Variants in UNC93B1 observed in about 807,000 individuals in gnomAD.
UNC93B1 encodes unc-93B1 regulator of TLR signaling, also known as protein unc-93 homolog B1.
In UNC93B1, 33 loss-of-function variants were observed where a neutral mutation model predicts 56.8. The observed-to-expected ratio is 0.58, with a 90% CI of 0.44 to 0.78. The LOEUF is 0.78. Among genes scored for constraint, UNC93B1 ranks in the 30% least tolerant of loss-of-function variants. UNC93B1 has a pLI of 0.00. For missense variants in UNC93B1, 673 were observed against 819.5 expected, an observed-to-expected ratio of 0.82 and a Z score of 2.18; for synonymous variants, 334 against 358.6, an observed-to-expected ratio of 0.93 and a Z score of 0.77.
rs1857091731 is a variant in UNC93B1, at chr11:68,003,921, C to T, written c.96+27G>A. 7.3e-7 allele frequency: 1 copy of T among 1,361,440 alleles called. No homozygotes were observed. The highest frequency in any genetic ancestry group is 9.5e-7 in the Non-Finnish European group (1 of 1,052,626). The allele number at this position is 1,361,440 out of a possible 1,614,324, so 84.3% of individuals were successfully genotyped here. ...GACCCTGGCCCACAGGGGACGCCCG[C>T]GCCTCGCACTCCGGGTCCCCGCTCA... On this transcript the variant is annotated intron_variant, in intron 1 of 10. Transcript: ENST00000227471. The surrounding 1 kb of genome is among the most constrained non-coding windows in gnomAD (Gnocchi z 4.4).
intron 9 of UNC93B1, among the ~76,000 whole-genome samples, chr11:67,994,055 G>C (rs1472022822): frequency 6.6e-6 from 1 of 152,206 alleles, no homozygotes; most frequent in Non-Finnish European, 1.5e-5. Context: ...CACCACATGC[G>C]TGGCCTCAAA....
At chr11:67,997,616 T>C in intron 7 of UNC93B1, 59 bp downstream of exon 7, 1 of 1,593,972 alleles carries the variant, frequency 6.3e-7, no homozygotes, top group Non-Finnish European at 8.5e-7. Flanking sequence ...TCTCGCAGAC[T>C]CGGTCCCCAG....
rs1404532250 is a variant in UNC93B1 at position 67,991,590 on chromosome 11, G to C, written c.1750C>G (p.Pro584Ala). The change falls in exon 11 of 11, where the codon CCG becomes GCG. Residue 584 changes from proline to alanine, a missense_variant. Physicochemically the swap from Pro to Ala is conservative, Grantham distance 27 (BLOSUM62 -1). This residue lies in a region of UNC93B1 where 80 missense variants were observed against 85.3 expected (regional missense o/e 0.94). Transcript: ENST00000227471. ...TCTCCCCCCTGCGCCTGTTCGTACGGGCAGGGCCGGCGGCCGAGTCCAGCG... is the reference window on the plus strand; with the variant it reads ...TCTCCCCCCTGCGCCTGTTCGTACGCGCAGGGCCGGCGGCCGAGTCCAGCG... ...EPAGLGRRPC[P>A]YEQAQGGDGP... is the part of the protein sequence containing the mutation. The C allele has an allele frequency of 3.3e-5, 50 of 1,496,440 alleles. No individual in the cohort carries two copies. The highest frequency in any genetic ancestry group is 4.4e-5 in the Non-Finnish European group (50 of 1,130,876). 92.7% of individuals were successfully genotyped at this position (1,496,440 alleles called of 1,614,324 possible).
rs961418578 is a variant in UNC93B1 at position 68,003,589 on chromosome 11, G to A, written c.238+68C>T. On this transcript the variant is annotated intron_variant, in intron 2 of 10. Coordinates refer to ENST00000227471, the MANE Select transcript of UNC93B1 (RefSeq NM_030930.4). This position sits in a 1 kb window ranked among gnomAD's most constrained non-coding sequence, Gnocchi z 4.4. ...GAGAGCGGGCGGGAGGCGGCGGCCC[G>A]CGGTTTCTGTTTCCCGGGCCGGGCT... The A allele has an allele frequency of 4.0e-5, 59 of 1,475,720 alleles. No homozygotes were observed. Among genetic ancestry groups the A allele is most frequent in the Non-Finnish European group, 5.2e-5 (58 of 1,116,638 alleles). The allele number at this position is 1,475,720 out of a possible 1,614,324, so 91.4% of individuals were successfully genotyped here.
chr11:67,991,605 C>T lies in UNC93B1; in HGVS notation c.1735G>A (p.Gly579Ser), dbSNP rs1332464949. ...TGTTCGTACGGGCAGGGCCGGCGGC[C>T]GAGTCCAGCGGGCTCGGGGCCAGGC... Reference protein sequence around the residue: ...PRPGPEPAGLGRRPCPYEQAQ... With the variant: ...PRPGPEPAGLSRRPCPYEQAQ... Residue 579 changes from glycine (G) to serine (S), a missense_variant, in exon 11 of 11, where the codon GGC (glycine) becomes AGC (serine). Transcript: ENST00000227471. The T allele has an allele frequency of 5.3e-6, 8 of 1,497,852 alleles. No individual in the cohort carries two copies. Among genetic ancestry groups the T allele is most frequent in the Admixed American group, 2.2e-5 (1 of 45,340 alleles). 92.8% of individuals were successfully genotyped at this position (1,497,852 alleles called of 1,614,324 possible). A position where few individuals can be genotyped will look rare whatever the true frequency, so the allele number is the denominator to read the frequency against.
In UNC93B1 at chr11:67,993,706, G is replaced by A. The variant is rs762916919; in HGVS notation, c.1452C>T (p.Thr484=). The change falls in exon 10 of 11, where the codon ACC becomes ACT. Residue 484 remains threonine (T), a synonymous_variant. Transcript: ENST00000227471. ...YHWWQAVAIF[T]VYLGSSLHMK... ...TGTGCAGGCTCGAGCCCAGGTACAC[G>A]GTGAAGATGGCCACAGCCTGCCACC... 5.2e-5 allele frequency: 66 copies of A among 1,262,882 alleles called. No homozygotes were observed. Among genetic ancestry groups the A allele is most frequent in the Middle Eastern group, 2.6e-4 (1 of 3,840 alleles). The allele number at this position is 1,262,882 out of a possible 1,614,324, so 78.2% of individuals were successfully genotyped here.
At chr11:67,996,508 A>G in intron 8 of UNC93B1, 94 bp downstream of exon 8, 3 of 1,432,520 alleles carry the variant, frequency 2.1e-6, no homozygotes, top group East Asian at 2.5e-5. Flanking sequence ...ACACACTTAC[A>G]TATGTAATTA....
In UNC93B1 at chr11:68,003,234, C is replaced by A. The variant is rs1590764320; in HGVS notation, c.239-59G>T. The A allele has an allele frequency of 4.7e-6, 7 of 1,496,944 alleles. No homozygotes were observed. The Admixed American group carries it at 8.5e-5, about 18-fold the overall frequency. 92.7% of individuals were successfully genotyped at this position (1,496,944 alleles called of 1,614,324 possible). On this transcript the variant is annotated intron_variant, in intron 2 of 10. Transcript: ENST00000227471. The surrounding 1 kb of genome is among the most constrained non-coding windows in gnomAD (Gnocchi z 4.4). ...CAGCCTAGCTTTGGGCGCCACCGAG[C>A]AGAAGACGGCATGCAGGCCTCGCAG...
chr11:68,003,498 A>AC lies in UNC93B1; in HGVS notation c.238+158dup. ...GGACCCGGGGACGCTGCGCTACTTGACCCCCCAACCCCACCCCCGCCGCGG... is the reference window on the plus strand; with the variant it reads ...GGACCCGGGGACGCTGCGCTACTTGACCCCCCCAACCCCACCCCCGCCGCGG... On this transcript the variant is annotated intron_variant, in intron 2 of 10. Transcript: ENST00000227471. This position sits in a 1 kb window ranked among gnomAD's most constrained non-coding sequence, Gnocchi z 4.4. 3.5e-6 allele frequency: 4 copies of AC among 1,130,212 alleles called. No individual in the cohort carries two copies. Among genetic ancestry groups the AC allele is most frequent in the South Asian group, 1.8e-5 (1 of 55,542 alleles). 70.0% of individuals were successfully genotyped at this position (1,130,212 alleles called of 1,614,324 possible). A position where few individuals can be genotyped will look rare whatever the true frequency, so the allele number is the denominator to read the frequency against.
Position 68,003,977 on chromosome 11 carries a change from G to T in UNC93B1, c.67C>A (p.Leu23Ile). Residue 23 changes from leucine (L) to isoleucine (I), a missense_variant, in exon 1 of 11, where the codon CTC becomes ATC. Physicochemically the swap from Leu to Ile is conservative, Grantham distance 5. Around this residue, in one of 3 missense-constraint regions of UNC93B1, gnomAD observed 438 missense variants for 465.9 expected, o/e 0.94. Coordinates refer to ENST00000227471, the MANE Select transcript of UNC93B1 (RefSeq NM_030930.4). This position sits in a 1 kb window ranked among gnomAD's most constrained non-coding sequence, Gnocchi z 4.4. Reference sequence around the variant, plus strand: ...GCCTCGGGCCCGTCCGGGACCCCGAGCAGGTCCTCGTCGCCCTGCGGCCCC... The same window carrying T: ...GCCTCGGGCCCGTCCGGGACCCCGATCAGGTCCTCGTCGCCCTGCGGCCCC... ...AAGPQGDEDL[L>I]GVPDGPEAPL... The T allele has an allele frequency of 7.1e-7, 1 of 1,399,980 alleles. No homozygotes were observed. Among genetic ancestry groups the T allele is most frequent in the Non-Finnish European group, 9.3e-7 (1 of 1,073,772 alleles). The allele number at this position is 1,399,980 out of a possible 1,614,324, so 86.7% of individuals were successfully genotyped here.
rs1856929937 is a variant in UNC93B1 at position 67,995,646 on chromosome 11, C to A, written c.1328G>T (p.Gly443Val). The part of the protein sequence containing the change: ...WILYVAAALW[G>V]VGSALNKTGL... ...AGTCTTGTTCAGGGCACTGCCCACA[C>A]CCCAAAGGGCAGCTGCCACATAGAG... The change falls in exon 9 of 11, where the codon GGT becomes GTT. Residue 443 changes from glycine (G) to valine (V), a missense_variant. Coordinates refer to ENST00000227471, the MANE Select transcript of UNC93B1 (RefSeq NM_030930.4). 1 of 1,539,846 alleles carries A rather than the reference C, an allele frequency of 6.5e-7. No homozygotes were observed. The highest frequency in any genetic ancestry group is 2.5e-5 in the East Asian group (1 of 40,346).
intron 9 of UNC93B1, among the ~76,000 whole-genome samples, 192 bp from the exon 10 acceptor site, chr11:67,993,986 G>T (rs1350052275): frequency 6.6e-6 from 1 of 152,224 alleles, no homozygotes; most frequent in African/African-American, 2.4e-5. Flanking sequence ...CTGCTCACAC[G>T]CTAAGCAGAA....
At chr11:67,995,497 A>T (rs1165085229) in intron 9 of UNC93B1, 114 bp downstream of exon 9, 1 of 903,990 alleles carries the variant, frequency 1.1e-6, no homozygotes, top group East Asian at 2.8e-5. Flanking sequence ...ACCCTATGTG[A>T]CCATGGGACC....
intron 10 of UNC93B1, among the ~76,000 whole-genome samples, chr11:67,992,345 G>C (rs1301077901): frequency 6.6e-6 from 1 of 152,018 alleles, no homozygotes; most frequent in Admixed American, 6.5e-5. Context: ...AGACACGGTC[G>C]CTCCGTTTCC....
rs1355098754 is a variant in UNC93B1 at position 67,996,644 on chromosome 11, G to A, written c.1047C>T (p.Tyr349=). 3 of 1,551,442 alleles carry A rather than the reference G, an allele frequency of 1.9e-6. No individual in the cohort carries two copies. In the African/African-American group the frequency reaches 4.1e-5, roughly 21 times the overall value. ...AGGCAAAGAGCACCTCGAAGCCGCT[G>A]TAGATAAAGAAAGGCACGAGGTGGC... ...RLRHLVPFFI[Y]SGFEVLFACT... Residue 349 remains tyrosine (Y), a synonymous_variant, in exon 8 of 11, where the codon TAC becomes TAT. Transcript: ENST00000227471.
At chr11:67,997,905 G>A in intron 6 of UNC93B1, 106 bp from the exon 7 acceptor site, 1 of 1,494,090 alleles carries the variant, frequency 6.7e-7, no homozygotes, top group Admixed American at 2.0e-5. Context: ...GTGGAGGGCG[G>A]GAGAGTGAGA....
In UNC93B1 at chr11:67,997,191, C is replaced by T. The variant is rs572544777; in HGVS notation, c.907-407G>A. Among the ~76,000 whole-genome samples, 4 of 73,420 alleles carry T rather than the reference C, an allele frequency of 5.4e-5. No homozygotes were observed. In the South Asian group the frequency reaches 2.2e-3, roughly 41 times the overall value. 48.2% of individuals were successfully genotyped at this position (73,420 alleles called of 152,430 possible). A position where few individuals can be genotyped will look rare whatever the true frequency, so the allele number is the denominator to read the frequency against. Reference sequence around the variant, plus strand: ...GACACACCCACAGACTTCGGCCCCGCGTCCCAGCACTAGGCCCCGCCTGAC... The same window carrying T: ...GACACACCCACAGACTTCGGCCCCGTGTCCCAGCACTAGGCCCCGCCTGAC... On this transcript the variant is annotated intron_variant, in intron 7 of 10. Coordinates refer to ENST00000227471, the MANE Select transcript of UNC93B1 (RefSeq NM_030930.4).
intron 3 of UNC93B1, among the ~76,000 whole-genome samples, chr11:68,002,178 G>A (rs185859179): frequency 2.9e-4 from 20 of 67,982 alleles, no homozygotes; most frequent in African/African-American, 1.1e-3. Context: ...AACATAGCCC[G>A]CTTGCATACA....
intron 9 of UNC93B1, among the ~76,000 whole-genome samples, chr11:67,994,319 G>T (rs1015310744): frequency 7.2e-5 from 11 of 152,274 alleles, no homozygotes; most frequent in Non-Finnish European, 1.0e-4. Context: ...CTGTAATGTT[G>T]GCTCTGTGGG....
Sources: allele counts gnomAD v4.1 joint callset (sites outside exome capture counted in the v4.1 genomes callset), GRCh38; gene constraint gnomAD v4.1.1; regional missense constraint gnomAD v4.1.1; non-coding constraint Gnocchi (gnomAD v3.1); transcripts MANE v1.5; gene names NCBI Gene and HGNC (gene_info 2026-07-23, HGNC 2026-07-21).